The following ZNF565 variants were observed in gnomAD, a reference collection of about 807,000 sequenced individuals.
The protein encoded by ZNF565 is zinc finger protein 565.
A neutral mutation model predicts 39.4 loss-of-function variants in ZNF565; 27 were observed. The ratio of observed to expected loss-of-function variants is 0.69; its 90% CI spans 0.51 to 0.95. The LOEUF is 0.95. ZNF565 is among the 40% of genes least tolerant of loss of function. The probability of loss-of-function intolerance (pLI) is 0.00; values close to 1 mark genes in which losing one functional copy is unlikely to be tolerated. For missense variants in ZNF565, 524 were observed against 621.1 expected, an observed-to-expected ratio of 0.84 and a Z score of 1.66; for synonymous variants, 185 against 216.6, an observed-to-expected ratio of 0.85 and a Z score of 1.28.
chr19:36,206,327 G>T (rs771292639), intron 1 of ZNF565, among the ~76,000 whole-genome samples: 18 of 151,944 alleles, frequency 1.2e-4, no homozygotes, highest in Non-Finnish European at 2.5e-4. Context: ...TGGGATTGAG[G>T]GCTGGGCACA....
chr19:36,241,781 CAAAA>C (rs57036778), intron 1 of ZNF565, among the ~76,000 whole-genome samples: 4 of 79,762 alleles, frequency 5.0e-5, no homozygotes, highest in South Asian at 4.1e-4. Context: ...AGAAGAGTGT[CAAAA>C]AAAAAAAAAA....
chr19:36,194,645 C>G (rs904954502), intron 3 of ZNF565: 1 of 461,032 alleles, frequency 2.2e-6, no homozygotes, highest in African/African-American at 2.0e-5. Flanking sequence ...CCCCTCCTTC[C>G]CCTCCAATCT....
intron 1 of ZNF565, among the ~76,000 whole-genome samples, chr19:36,235,407 T>G (rs1458905214): frequency 1.3e-5 from 2 of 152,192 alleles, no homozygotes; most frequent in African/African-American, 4.8e-5. Flanking sequence ...ATTTTCTACC[T>G]AGATCACCTC....
intron 1 of ZNF565, among the ~76,000 whole-genome samples, chr19:36,226,294 T>G (rs1166502792): frequency 6.6e-6 from 1 of 152,242 alleles, no homozygotes; most frequent in Non-Finnish European, 1.5e-5. Flanking sequence ...TTCTCGTGTT[T>G]CTGTCATGTA....
chr19:36,183,796 T>G (rs1975181833), intron 4 of ZNF565, 63 bp from the exon 5 acceptor site: 4 of 1,466,242 alleles, frequency 2.7e-6, no homozygotes, highest in South Asian at 2.7e-5. Context: ...TAAAAAATTC[T>G]ATAGTAGAGG....
chr19:36,197,380 G>A (rs1162538310), intron 2 of ZNF565, among the ~76,000 whole-genome samples: 1 of 152,100 alleles, frequency 6.6e-6, no homozygotes, highest in Non-Finnish European at 1.5e-5. Flanking sequence ...GCTGAGGCAG[G>A]AGAATCGCTT....
chr19:36,193,020 G>C (rs1008569852), intron 4 of ZNF565, among the ~76,000 whole-genome samples: 1 of 151,308 alleles, frequency 6.6e-6, no homozygotes, highest in African/African-American at 2.4e-5. Context: ...TTTTGAGATG[G>C]AGTCTCGCTC....
chr19:36,195,225 G>C, intron 2 of ZNF565, 69 bp from the exon 3 acceptor site: 1 of 1,554,884 alleles, frequency 6.4e-7, no homozygotes, highest in East Asian at 2.3e-5. Context: ...AAATTTTCAA[G>C]ATGCACAAAA....
intron 2 of ZNF565, among the ~76,000 whole-genome samples, chr19:36,199,609 A>C (rs1975883796): frequency 6.7e-6 from 1 of 148,446 alleles, no homozygotes; most frequent in Non-Finnish European, 1.5e-5. Flanking sequence ...CAGGCTCAAG[A>C]GATTCTCCTG....
chr19:36,213,345 A>T (rs1976439218), intron 1 of ZNF565: 1 of 152,054 alleles, frequency 6.6e-6, no homozygotes, highest in Admixed American at 6.5e-5. Context: ...GGTAGCTGGG[A>T]CCACAGGTGT....
intron 2 of ZNF565, among the ~76,000 whole-genome samples, chr19:36,198,099 G>A (rs908904429): frequency 2.6e-5 from 4 of 151,658 alleles, no homozygotes; most frequent in East Asian, 1.9e-4. Flanking sequence ...CACCACTGCC[G>A]GCATGGGCAA....
At chr19:36,211,463 A>T (rs867698799) in intron 1 of ZNF565, among the ~76,000 whole-genome samples, 4,532 of 150,792 alleles carry the variant, frequency 0.03, 202 homozygotes, top group African/African-American at 0.1. Context: ...ACACACACAC[A>T]CACACACACA....
chr19:36,200,867 C>T (rs1288600190), intron 2 of ZNF565, among the ~76,000 whole-genome samples: 1 of 152,028 alleles, frequency 6.6e-6, no homozygotes, highest in Non-Finnish European at 1.5e-5. Context: ...TTATGACAAC[C>T]TCGGCCTCCT....
rs1370662267 is a variant in ZNF565, at chr19:36,245,328, AG to A, written c.55+147del. 1.5e-6 allele frequency: 1 copy of A among 645,780 alleles called. No homozygotes were observed. The highest frequency in any genetic ancestry group is 1.8e-5 in the African/African-American group (1 of 55,444). 40.0% of individuals were successfully genotyped at this position (645,780 alleles called of 1,614,324 possible). A position where few individuals can be genotyped will look rare whatever the true frequency, so the allele number is the denominator to read the frequency against. ...ATGACCCCAGCTCAGTTCTAAGCCG[AG>A]GGGCTGCTGCCGGACATTCTAGGGT... On this transcript the variant is annotated intron_variant, in intron 1 of 4. Transcript: ENST00000355114. This position sits in a 1 kb window ranked among gnomAD's most constrained non-coding sequence, Gnocchi z 4.4.
intron 1 of ZNF565, among the ~76,000 whole-genome samples, chr19:36,211,449 T>TCACACACA (rs370230430): frequency 2.8e-3 from 391 of 137,762 alleles, no homozygotes; most frequent in East Asian, 0.021. Flanking sequence ...CAACTCTCTC[T>TCACACACA]CACACACACA....
chr19:36,245,406 G>C lies in ZNF565; in HGVS notation c.55+70C>G. 1 of 700,782 alleles carries C rather than the reference G, an allele frequency of 1.4e-6. No homozygotes were observed. The allele number at this position is 700,782 out of a possible 1,614,324, so 43.4% of individuals were successfully genotyped here. On this transcript the variant is annotated intron_variant, in intron 1 of 4. Coordinates refer to the ZNF565 transcript ENST00000355114. This position sits in a 1 kb window ranked among gnomAD's most constrained non-coding sequence, Gnocchi z 4.4. ...CAGTCACTGCGACCCGGAAAGCTCC[G>C]CGCTTACGACGCCCACCCAGAAAAT...
intron 2 of ZNF565, 31 bp downstream of exon 2, chr19:36,201,946 C>A (rs1431648074): frequency 6.2e-7 from 1 of 1,612,438 alleles, no homozygotes; most frequent in Non-Finnish European, 8.5e-7. Flanking sequence ...GAAGACAGAT[C>A]ATTCTAAGGA....
At chr19:36,190,626 A>G (rs1014321156) in intron 4 of ZNF565, among the ~76,000 whole-genome samples, 9 of 151,906 alleles carry the variant, frequency 5.9e-5, no homozygotes, top group African/African-American at 1.9e-4. Flanking sequence ...GACCACCACA[A>G]GATGGCGAGA....
At chr19:36,242,282 T>C (rs567767137) in intron 1 of ZNF565, among the ~76,000 whole-genome samples, 22 of 151,902 alleles carry the variant, frequency 1.4e-4, no homozygotes, top group Non-Finnish European at 7.4e-5. Flanking sequence ...TGATGGTGCA[T>C]GCCTGTAGTC....
Sources: gnomAD v4.1 joint callset for allele counts (sites outside exome capture counted in the v4.1 genomes callset) on GRCh38, gnomAD v4.1.1 for gene constraint, Gnocchi (gnomAD v3.1) non-coding constraint, MANE v1.5 for transcripts, NCBI Gene and HGNC (gene_info 2026-07-23, HGNC 2026-07-21) for gene names.